Variants in ARPC1A observed in about 807,000 individuals in gnomAD.
ARPC1A encodes the protein actin related protein 2/3 complex subunit 1A.
A neutral mutation model predicts 46.9 loss-of-function variants in ARPC1A; 8 were observed. The ratio of observed to expected loss-of-function variants is 0.17; its 90% CI spans 0.10 to 0.31. The LOEUF (loss-of-function observed/expected upper bound fraction) is 0.31, where lower values mean the gene tolerates loss of function less well. ARPC1A is among the 10% of genes least tolerant of loss of function. ARPC1A has a pLI of 1.00. For missense variants in ARPC1A, 286 were observed against 483.6 expected (o/e 0.59, Z 3.83); for synonymous variants, 152 against 169.0 (o/e 0.90, Z 0.78).
In ARPC1A at chr7:99,365,857, C is replaced by T. The variant is rs1381747310; in HGVS notation, c.1075-34C>T. 3.2e-6 allele frequency: 5 copies of T among 1,557,122 alleles called. No homozygotes were observed. In the African/African-American group the frequency reaches 6.8e-5, roughly 21 times the overall value. On this transcript the variant is annotated intron_variant, in intron 9 of 9. Coordinates refer to ENST00000262942, the MANE Select transcript of ARPC1A (RefSeq NM_006409.4). Reference sequence around the variant, plus strand: ...TACCTACCTCGGGGTAGACACTCCTCAGTGACATCAGTGCTCTTCCCACCT... The same window carrying T: ...TACCTACCTCGGGGTAGACACTCCTTAGTGACATCAGTGCTCTTCCCACCT...
intron 1 of ARPC1A, among the ~76,000 whole-genome samples, 153 bp downstream of exon 1, chr7:99,326,157 G>A (rs1793042348): frequency 6.6e-6 from 1 of 152,186 alleles, no homozygotes; most frequent in African/African-American, 2.4e-5. Flanking sequence ...GCCTCCTGAG[G>A]GGGCGGGGAT....
At chr7:99,328,275 T>A (rs1793083815) in intron 1 of ARPC1A, among the ~76,000 whole-genome samples, 1 of 151,942 alleles carries the variant, frequency 6.6e-6, no homozygotes, top group African/African-American at 2.4e-5. Context: ...AGGCTGAGGC[T>A]GGAGAATCGC....
intron 2 of ARPC1A, among the ~76,000 whole-genome samples, chr7:99,336,287 G>A (rs1359087469): frequency 1.3e-5 from 2 of 152,010 alleles, no homozygotes; most frequent in South Asian, 2.1e-4. Context: ...ATATACATGT[G>A]AGAAAGTGAG....
chr7:99,334,770 C>T (rs1173678228), intron 2 of ARPC1A, among the ~76,000 whole-genome samples: 2 of 152,184 alleles, frequency 1.3e-5, no homozygotes, highest in African/African-American at 4.8e-5. Context: ...CAACCTCCGC[C>T]TCCCAGGTTC....
intron 4 of ARPC1A, among the ~76,000 whole-genome samples, chr7:99,347,261 G>A (rs1793469917): frequency 6.6e-6 from 1 of 152,070 alleles, no homozygotes; most frequent in African/African-American, 2.4e-5. Flanking sequence ...GTGGAGACAG[G>A]TTCTCACTTT....
chr7:99,355,114 CAAAA>C (rs76934314), intron 6 of ARPC1A, among the ~76,000 whole-genome samples: 2 of 85,394 alleles, frequency 2.3e-5, no homozygotes, highest in Non-Finnish European at 2.5e-5. Flanking sequence ...AACTCCGTCT[CAAAA>C]AAAAAAAAAA....
At chr7:99,357,321 A>G (rs1283821868) in intron 6 of ARPC1A, among the ~76,000 whole-genome samples, 2 of 152,126 alleles carry the variant, frequency 1.3e-5, no homozygotes, top group Non-Finnish European at 2.9e-5. Context: ...TTCAATGCCA[A>G]CTTTATGAAG....
intron 7 of ARPC1A, 120 bp downstream of exon 7, chr7:99,358,535 A>ATTTTT: frequency 1.9e-6 from 1 of 516,458 alleles, no homozygotes; most frequent in South Asian, 3.3e-5. Flanking sequence ...AACAGAGCTC[A>ATTTTT]CTTTTTTTTT....
chr7:99,352,655 T>TAAA (rs59352040), intron 5 of ARPC1A, among the ~76,000 whole-genome samples: 1 of 136,092 alleles, frequency 7.3e-6, no homozygotes, highest in Non-Finnish European at 1.6e-5. Context: ...CCCCGTCTCT[T>TAAA]AAAAAAAAAA....
rs185220822 is a variant in ARPC1A at position 99,349,701 on chromosome 7, G to C, written c.500+742G>C. On this transcript the variant is annotated intron_variant, in intron 5 of 9. Transcript: ENST00000262942. The stretch of plus-strand genomic sequence containing the variant: ...AAAAAATACAAAAAATTAGCCGGGC[G>C]TGGTGGCGGGTGCCTGTAGTCCCAG... 8.1e-3 allele frequency among the ~76,000 whole-genome samples: 1,238 copies of C among 152,122 alleles called. 16 individuals carry two copies. The highest frequency in any genetic ancestry group is 0.026 in the African/African-American group (1,093 of 41,508).
At chr7:99,342,721 T>C (rs2150864474) in intron 3 of ARPC1A, among the ~76,000 whole-genome samples, 1 of 139,034 alleles carries the variant, frequency 7.2e-6, no homozygotes, top group East Asian at 2.0e-4. Context: ...TACTACTTTT[T>C]TTTTTTTTTT....
chr7:99,330,814 G>A (rs1368434852), intron 1 of ARPC1A, among the ~76,000 whole-genome samples: 1 of 152,188 alleles, frequency 6.6e-6, no homozygotes, highest in Non-Finnish European at 1.5e-5. Context: ...GTTGAAACTT[G>A]AGTTTATTGT....
At chr7:99,358,274 C>T in intron 6 of ARPC1A, 66 bp from the exon 7 acceptor site, 1 of 1,505,502 alleles carries the variant, frequency 6.6e-7, no homozygotes, top group South Asian at 1.1e-5. Context: ...CCTTTGTGAT[C>T]ATCTGTGTCT....
At chr7:99,354,317 T>G (rs1793596046) in intron 6 of ARPC1A, among the ~76,000 whole-genome samples, 196 bp downstream of exon 6, 1 of 151,154 alleles carries the variant, frequency 6.6e-6, no homozygotes, top group Admixed American at 6.6e-5. Flanking sequence ...GGTCAGCAGT[T>G]CAAGACCAGC....
At chr7:99,332,228 C>G (rs1793154662) in intron 1 of ARPC1A, among the ~76,000 whole-genome samples, 1 of 152,174 alleles carries the variant, frequency 6.6e-6, no homozygotes, top group Non-Finnish European at 1.5e-5. Context: ...CCAGGATAGC[C>G]CTGTGACCTG....
intron 3 of ARPC1A, among the ~76,000 whole-genome samples, chr7:99,341,364 T>A (rs1236144208): frequency 6.6e-6 from 1 of 151,872 alleles, no homozygotes; most frequent in African/African-American, 2.4e-5. Context: ...TCCCAGCCCT[T>A]TGGGAGGCTG....
intron 4 of ARPC1A, among the ~76,000 whole-genome samples, chr7:99,345,126 G>A (rs1214337673): frequency 1.3e-5 from 2 of 151,416 alleles, no homozygotes; most frequent in African/African-American, 4.8e-5. Context: ...GTAGAGACAA[G>A]GTTTCACCAT....
At chr7:99,336,142 G>A (rs1584375969) in intron 2 of ARPC1A, among the ~76,000 whole-genome samples, 1 of 152,016 alleles carries the variant, frequency 6.6e-6, no homozygotes, top group Non-Finnish European at 1.5e-5. Flanking sequence ...TTTTAATACA[G>A]ATGCAAGCTA....
intron 2 of ARPC1A, 29 bp downstream of exon 2, chr7:99,333,446 A>G: frequency 6.3e-7 from 1 of 1,593,538 alleles, no homozygotes; most frequent in African/African-American, 1.3e-5. Flanking sequence ...TTGCTTTTGT[A>G]TTTTGGTACC....
Sources: gnomAD v4.1 joint callset for allele counts (sites outside exome capture counted in the v4.1 genomes callset) on GRCh38, gnomAD v4.1.1 for gene constraint, MANE v1.5 for transcripts, NCBI Gene and HGNC (gene_info 2026-07-23, HGNC 2026-07-21) for gene names.